Variants in ERCC4 observed in about 807,000 individuals in gnomAD.
The protein encoded by ERCC4 is ERCC excision repair 4, endonuclease catalytic subunit, also known as DNA repair endonuclease XPF.
ERCC4 carries 65 observed loss-of-function variants against 76.9 expected under a neutral mutation model. The observed-to-expected ratio is 0.84, with a 90% CI of 0.69 to 1.04. ERCC4 has a LOEUF of 1.04. Ranked by LOEUF, ERCC4 falls within the 50% of genes least tolerant of loss-of-function variation. The pLI, the probability that ERCC4 is intolerant of heterozygous loss-of-function variation, is 0.00. For synonymous variants in ERCC4, 463 were observed against 410.1 expected, an observed-to-expected ratio of 1.13 and a Z score of -1.56; for missense variants, 1,214 against 1,128.2, an observed-to-expected ratio of 1.08 and a Z score of -1.09.
chr16:13,935,612 C>T lies in ERCC4; in HGVS notation c.1680C>T (p.Cys560=), dbSNP rs2141607945. Residue 560 remains cysteine (C), a synonymous_variant, in exon 8 of 11, where the codon TGC becomes TGT. Transcript: ENST00000311895. The part of the protein sequence containing the change: ...PLTIIHPLLG[C]SDPYALTRVL... The stretch of plus-strand genomic sequence containing the variant: ...CTATCATCCATCCGCTTCTGGGTTG[C>T]AGCGACCCCTATGCTCTGACAAGGG... 1 of 1,614,068 alleles carries T rather than the reference C, an allele frequency of 6.2e-7. No individual in the cohort carries two copies. The highest frequency in any genetic ancestry group is 8.5e-7 in the Non-Finnish European group (1 of 1,179,950).
At chr16:13,939,163 G>T (rs574212727) in intron 9 of ERCC4, among the ~76,000 whole-genome samples, 8 of 152,144 alleles carry the variant, frequency 5.3e-5, no homozygotes, top group African/African-American at 1.9e-4. Flanking sequence ...TATACCAGCC[G>T]CCTCTTGTTC....
chr16:13,930,438 C>G (rs547810765), intron 4 of ERCC4, among the ~76,000 whole-genome samples: 4 of 152,204 alleles, frequency 2.6e-5, no homozygotes, highest in South Asian at 4.1e-4. Context: ...TAGATTGACT[C>G]TATCTGATCA....
chr16:13,940,589 C>G (rs904029783), intron 9 of ERCC4, among the ~76,000 whole-genome samples: 2 of 152,160 alleles, frequency 1.3e-5, no homozygotes, highest in Non-Finnish European at 2.9e-5. Flanking sequence ...TGAGTCCCCA[C>G]ATTTTTACTG....
At chr16:13,928,606 A>G (rs1399427242) in intron 4 of ERCC4, among the ~76,000 whole-genome samples, 2 of 152,302 alleles carry the variant, frequency 1.3e-5, no homozygotes, top group Admixed American at 1.3e-4. Context: ...TCTTTTATGG[A>G]ATAAAAAATA....
rs1294920571 is a variant in ERCC4, at chr16:13,932,200, T to C, written c.1017T>C (p.Ala339=). ...LDSSTSMFIN[A]RARVYHLPDA... is the part of the protein sequence containing the mutation. ...CCAGCACCTCGATGTTTATAAATGCTCGAGCAAGGGTTTATCATCTTCCAG... is the reference window on the plus strand; with the variant it reads ...CCAGCACCTCGATGTTTATAAATGCCCGAGCAAGGGTTTATCATCTTCCAG... Residue 339 remains alanine (A), a synonymous_variant, in exon 6 of 11, where the codon GCT becomes GCC. Coordinates refer to ENST00000311895, the MANE Select transcript of ERCC4 (RefSeq NM_005236.3). The C allele has an allele frequency of 6.2e-7, 1 of 1,613,476 alleles. No individual in the cohort carries two copies. The highest frequency in any genetic ancestry group is 8.5e-7 in the Non-Finnish European group (1 of 1,179,450).
chr16:13,939,500 T>C (rs1433215866), intron 9 of ERCC4, among the ~76,000 whole-genome samples: 1 of 152,056 alleles, frequency 6.6e-6, no homozygotes, highest in Non-Finnish European at 1.5e-5. Flanking sequence ...CGGGAGCCGC[T>C]TCCCTGAGGA....
intron 2 of ERCC4, among the ~76,000 whole-genome samples, chr16:13,923,012 T>A (rs749710427): frequency 1.1e-4 from 15 of 132,330 alleles, no homozygotes; most frequent in Non-Finnish European, 2.1e-4. Context: ...TATTTAGTTT[T>A]CCTCCTTAAG....
chr16:13,935,838 G>A, intron 8 of ERCC4, 95 bp downstream of exon 8: 1 of 939,304 alleles, frequency 1.1e-6, no homozygotes, highest in Non-Finnish European at 1.7e-6. Flanking sequence ...TTTAATATCC[G>A]TTACGATGCT....
chr16:13,951,429 A>G lies in ERCC4; in HGVS notation c.*3082A>G, dbSNP rs1290409660. The G allele has an allele frequency of 9.8e-6, 2 of 204,104 alleles. No homozygotes were observed. The highest frequency in any genetic ancestry group is 4.6e-5 in the African/African-American group (2 of 43,754). 12.6% of individuals were successfully genotyped at this position (204,104 alleles called of 1,614,324 possible). ...AATCATTTTAAGTTTCATTTAAATC[A>G]TGGTGCCTCTTTTGATACTTTCTTA... On this transcript the variant is annotated 3_prime_UTR_variant, in exon 11 of 11. Coordinates refer to ENST00000311895, the MANE Select transcript of ERCC4 (RefSeq NM_005236.3).
intron 6 of ERCC4, chr16:13,932,639 T>C (rs1035839038): frequency 5.8e-6 from 2 of 346,902 alleles, no homozygotes; most frequent in Middle Eastern, 8.7e-4. Flanking sequence ...GGTTGGGGCA[T>C]GGTGGCACAC....
chr16:13,940,466 A>C (rs2032391865), intron 9 of ERCC4, among the ~76,000 whole-genome samples: 2 of 152,186 alleles, frequency 1.3e-5, no homozygotes, highest in Non-Finnish European at 2.9e-5. Context: ...AACCAGGCCT[A>C]AGCTTCCAGG....
chr16:13,932,639 T>G (rs1035839038), intron 6 of ERCC4: 1 of 346,902 alleles, frequency 2.9e-6, no homozygotes, highest in Non-Finnish European at 5.2e-6. Context: ...GGTTGGGGCA[T>G]GGTGGCACAC....
intron 7 of ERCC4, chr16:13,934,549 T>A: frequency 2.2e-6 from 1 of 465,106 alleles, no homozygotes. Context: ...TCATTGTATA[T>A]TCATGAAAGC....
rs113002567 is a variant in ERCC4 at position 13,923,099 on chromosome 16, A to C, written c.388+888A>C. 6.1e-3 allele frequency among the ~76,000 whole-genome samples: 936 copies of C among 152,344 alleles called. 12 individuals are homozygous for C. Among genetic ancestry groups the C allele is most frequent in the African/African-American group, 0.021 (885 of 41,560 alleles). On this transcript the variant is annotated intron_variant, in intron 2 of 10. Transcript: ENST00000311895. ...AGGAAAAATTATTTTAGCTAGAATT[A>C]AATAGAAAAGAAATTCATTTTCATT... is the stretch of plus-strand genomic sequence containing the variant.
At chr16:13,932,350 G>A (rs2032190009) in intron 6 of ERCC4, 65 bp downstream of exon 6, 1 of 1,479,224 alleles carries the variant, frequency 6.8e-7, no homozygotes, top group Non-Finnish European at 9.4e-7. Context: ...GAAATTTAAA[G>A]TGCAATTTAA....
chr16:13,930,963 G>A (rs2032161673), intron 5 of ERCC4, 73 bp downstream of exon 5: 1 of 984,716 alleles, frequency 1.0e-6, no homozygotes, highest in Non-Finnish European at 1.6e-6. Context: ...GGGGAATCAG[G>A]TGTGAAAAGT....
Position 13,949,030 on chromosome 16 carries a change from C to A in ERCC4, c.*683C>A. On this transcript the variant is annotated 3_prime_UTR_variant, in exon 11 of 11. Transcript: ENST00000311895. ...TCTAAGGAAATTTCATGGAGCCTTCCTACTACTAATTCAAGACAGTCTCCT... is the reference window on the plus strand; with the variant it reads ...TCTAAGGAAATTTCATGGAGCCTTCATACTACTAATTCAAGACAGTCTCCT... The A allele has an allele frequency of 4.3e-6, 1 of 232,978 alleles. No homozygotes were observed. The highest frequency in any genetic ancestry group is 8.5e-6 in the Non-Finnish European group (1 of 117,882). The allele number at this position is 232,978 out of a possible 1,614,324, so 14.4% of individuals were successfully genotyped here.
chr16:13,931,904 T>C, intron 5 of ERCC4: 1 of 462,358 alleles, frequency 2.2e-6, no homozygotes. Context: ...AATAATGTCA[T>C]GGTATTGTTA....
rs993218238 is a variant in ERCC4 at position 13,944,789 on chromosome 16, A to G, written c.1971A>G (p.Val657=). The change falls in exon 10 of 11, where the codon GTA becomes GTG. Residue 657 remains valine, a synonymous_variant. Transcript: ENST00000311895. ...GAGATGAAACAAACTTAGACCTAGTAAGAGGCACAGCATCTGCAGATGTTT... is the reference window on the plus strand; with the variant it reads ...GAGATGAAACAAACTTAGACCTAGTGAGAGGCACAGCATCTGCAGATGTTT... The part of the protein sequence containing the change: ...EGRDETNLDL[V]RGTASADVST... 9.9e-6 allele frequency: 16 copies of G among 1,613,890 alleles called. No homozygotes were observed. The highest frequency in any genetic ancestry group is 1.3e-5 in the Non-Finnish European group (15 of 1,179,866).
Sources: allele counts gnomAD v4.1 joint callset (sites outside exome capture counted in the v4.1 genomes callset), GRCh38; gene constraint gnomAD v4.1.1; transcripts MANE v1.5; gene names NCBI Gene and HGNC (gene_info 2026-07-23, HGNC 2026-07-21).